MAGI1: variants seen among roughly 807,000 people sequenced by gnomAD.
MAGI1 encodes membrane associated guanylate kinase, WW and PDZ domain containing 1.
MAGI1 carries 58 observed loss-of-function variants against 139.9 expected under a neutral mutation model. That is an observed-to-expected ratio of 0.41 (90% CI 0.34 to 0.52). MAGI1 has a LOEUF of 0.52. Ranked by LOEUF, MAGI1 falls within the 20% of genes least tolerant of loss-of-function variation. The pLI, the probability that MAGI1 is intolerant of heterozygous loss-of-function variation, is 0.12. For synonymous variants in MAGI1, 812 were observed against 737.9 expected (o/e 1.10, Z -1.63); for missense variants, 1,874 against 1,901.6 (o/e 0.99, Z 0.27).
chr3:65,442,672 C>A, intron 8 of MAGI1, 120 bp downstream of exon 8: 1 of 636,036 alleles, frequency 1.6e-6, no homozygotes, highest in Non-Finnish European at 2.7e-6. Flanking sequence ...ATATTTTCAT[C>A]ATAAAATTAA....
chr3:65,837,486 T>C (rs2058665652), intron 1 of MAGI1, among the ~76,000 whole-genome samples: 3 of 152,174 alleles, frequency 2.0e-5, no homozygotes, highest in African/African-American at 7.2e-5. Flanking sequence ...CCATTATATC[T>C]GTCCAGCTCA....
chr3:65,493,485 T>C, intron 3 of MAGI1, 27 bp downstream of exon 3: 1 of 1,614,016 alleles, frequency 6.2e-7, no homozygotes. Context: ...GAGAGAAGCT[T>C]TTTATGCTGT....
At position 65,355,294 on chromosome 3, in the gene MAGI1, G is replaced by T. The variant is rs185766757; in HGVS notation, c.*1084C>A. ...CTACCAACCTAGAGACTTGGACTAT[G>T]GTTTCAAAGTGAAATTGGCATTTCT... On this transcript the variant is annotated 3_prime_UTR_variant, in exon 23 of 23. Coordinates refer to ENST00000402939, the MANE Select transcript of MAGI1 (RefSeq NM_001033057.2). The T allele has an allele frequency of 6.6e-6, 1 of 152,274 alleles. No individual in the cohort carries two copies. The highest frequency in any genetic ancestry group is 1.9e-4 in the East Asian group (1 of 5,184). The allele number at this position is 152,274 out of a possible 1,614,324, so 9.4% of individuals were successfully genotyped here. A position where few individuals can be genotyped will look rare whatever the true frequency, so the allele number is the denominator to read the frequency against.
At chr3:65,668,562 C>CTTTTTTTTTTTTT (rs58434479) in intron 1 of MAGI1, among the ~76,000 whole-genome samples, 5 of 79,892 alleles carry the variant, frequency 6.3e-5, no homozygotes, top group African/African-American at 9.8e-5. Flanking sequence ...CCTTTTTTTT[C>CTTTTTTTTTTTTT]TTTTTTTTTT....
At chr3:65,414,855 TA>T (rs57931361) in intron 12 of MAGI1, among the ~76,000 whole-genome samples, 45,692 of 131,048 alleles carry the variant, frequency 0.35, 7,830 homozygotes, top group South Asian at 0.51. Flanking sequence ...CCGTCTCTAC[TA>T]AAAAAAAAAA....
intron 12 of MAGI1, among the ~76,000 whole-genome samples, chr3:65,417,265 T>G (rs1946293748): frequency 6.6e-6 from 1 of 152,116 alleles, no homozygotes; most frequent in African/African-American, 2.4e-5. Context: ...CAAACCACCA[T>G]GGCACACATT....
intron 1 of MAGI1, among the ~76,000 whole-genome samples, chr3:65,677,787 T>C (rs1365223765): frequency 6.6e-6 from 1 of 152,186 alleles, no homozygotes; most frequent in Non-Finnish European, 1.5e-5. Context: ...CACAAAGGAA[T>C]GCACTAAATC....
intron 2 of MAGI1, among the ~76,000 whole-genome samples, chr3:65,535,409 C>CA (rs1327930857): frequency 6.6e-6 from 1 of 152,058 alleles, no homozygotes; most frequent in East Asian, 1.9e-4. Context: ...TGACTCCAGT[C>CA]AATAAGCCAG....
chr3:65,715,923 T>G lies in MAGI1; in HGVS notation c.314-93835A>C, dbSNP rs778508225. 2.3e-4 allele frequency among the ~76,000 whole-genome samples: 35 copies of G among 152,196 alleles called. 1 individual carries two copies. The highest frequency in any genetic ancestry group is 2.8e-4 in the Non-Finnish European group (19 of 68,026). ...AAGCCAAGACAGCTGCACATCTCAG[T>G]TGAGATGTTCCTTGGAGCAACAGAG... On this transcript the variant is annotated intron_variant, in intron 1 of 22. Transcript: ENST00000402939.
At chr3:65,799,090 G>C (rs780097537) in intron 1 of MAGI1, among the ~76,000 whole-genome samples, 1 of 152,076 alleles carries the variant, frequency 6.6e-6, no homozygotes, top group Non-Finnish European at 1.5e-5. Flanking sequence ...TAGTGAAAAA[G>C]GTGAAAATTC....
intron 1 of MAGI1, among the ~76,000 whole-genome samples, chr3:65,990,162 G>A (rs1032589168): frequency 5.9e-5 from 9 of 152,090 alleles, no homozygotes; most frequent in African/African-American, 1.4e-4. Context: ...TGAGATTAAC[G>A]TGAGGCAGGG....
intron 1 of MAGI1, among the ~76,000 whole-genome samples, chr3:65,944,868 A>C (rs147493948): frequency 6.6e-6 from 1 of 152,340 alleles, no homozygotes; most frequent in Non-Finnish European, 1.5e-5. Flanking sequence ...AGAGAGTGTC[A>C]ATTTTGTCCG....
chr3:65,770,758 A>G (rs1230744194), intron 1 of MAGI1, among the ~76,000 whole-genome samples: 1 of 151,970 alleles, frequency 6.6e-6, no homozygotes, highest in Non-Finnish European at 1.5e-5. Context: ...GCACAATCTC[A>G]GCTCACTGCA....
At chr3:65,543,653 A>T (rs769812465) in intron 2 of MAGI1, among the ~76,000 whole-genome samples, 2 of 152,202 alleles carry the variant, frequency 1.3e-5, no homozygotes, top group Non-Finnish European at 2.9e-5. Flanking sequence ...ACACAGAAAC[A>T]GAAAACCAAA....
Position 65,429,612 on chromosome 3 carries a change from T to G in MAGI1, c.2075A>C (p.Lys692Thr). 6.2e-7 allele frequency: 1 copy of G among 1,614,016 alleles called. No individual in the cohort carries two copies. Among genetic ancestry groups the G allele is most frequent in the Non-Finnish European group, 8.5e-7 (1 of 1,179,952 alleles). ...GTTGTGAGTTAGGGCCTGCACGTTCTTCTTATTAACTTCCACTATGAGATC... is the reference window on the plus strand; with the variant it reads ...GTTGTGAGTTAGGGCCTGCACGTTCGTCTTATTAACTTCCACTATGAGATC... ...EGDLIVEVNK[K>T]NVQALTHNQV... Residue 692 changes from lysine to threonine, a missense_variant, in exon 12 of 23, where the codon AAG (lysine) becomes ACG (threonine). Transcript: ENST00000402939.
chr3:65,910,855 C>CTGTTTTTTTTTTTTTT (rs2061633356), intron 1 of MAGI1, among the ~76,000 whole-genome samples: 3 of 59,484 alleles, frequency 5.0e-5, no homozygotes, highest in South Asian at 9.0e-4. Flanking sequence ...ACATGGTGGA[C>CTGTTTTTTTTTTTTTT]TTTTTTTTTT....
intron 1 of MAGI1, among the ~76,000 whole-genome samples, chr3:65,888,870 C>T (rs771312342): frequency 6.6e-6 from 1 of 151,822 alleles, no homozygotes; most frequent in African/African-American, 2.4e-5. Context: ...TACAGGTACA[C>T]CAGAAATTAT....
chr3:65,792,356 T>G (rs1482738930), intron 1 of MAGI1, among the ~76,000 whole-genome samples: 1 of 151,918 alleles, frequency 6.6e-6, no homozygotes, highest in Non-Finnish European at 1.5e-5. Context: ...TCCCAGCTAC[T>G]CGGGAGGCTG....
chr3:65,509,469 A>C (rs1328354125), intron 2 of MAGI1, among the ~76,000 whole-genome samples: 1 of 152,204 alleles, frequency 6.6e-6, no homozygotes, highest in Non-Finnish European at 1.5e-5. Context: ...AAGCCGAAGC[A>C]GGGTGAGGCA....
Sources: gnomAD v4.1 joint callset for allele counts (sites outside exome capture counted in the v4.1 genomes callset) on GRCh38, gnomAD v4.1.1 for gene constraint, MANE v1.5 for transcripts, NCBI Gene and HGNC (gene_info 2026-07-23, HGNC 2026-07-21) for gene names.